The following ANKAR variants were observed in gnomAD, a reference collection of about 807,000 sequenced individuals.
ANKAR encodes the protein ankyrin and armadillo repeat containing, also known as ankyrin and armadillo repeat-containing protein.
ANKAR carries 136 observed loss-of-function variants against 146.2 expected under a neutral mutation model. The ratio of observed to expected loss-of-function variants is 0.93; its 90% confidence interval spans 0.81 to 1.07. The LOEUF is 1.07. Ranked by LOEUF, ANKAR falls within the 50% of genes least tolerant of loss-of-function variation. The pLI is 0.00. For missense variants in ANKAR, 1,567 were observed against 1,679.9 expected, an observed-to-expected ratio of 0.93 and a Z score of 1.18; for synonymous variants, 500 against 575.8, an observed-to-expected ratio of 0.87 and a Z score of 1.88.
chr2:189,688,695 T>C (rs2035964199), intron 2 of ANKAR, among the ~76,000 whole-genome samples: 2 of 152,224 alleles, frequency 1.3e-5, no homozygotes, highest in Admixed American at 1.3e-4. Context: ...CGAACATTCA[T>C]GAAGTGGGTT....
chr2:189,735,992 A>G (rs1379237953), intron 17 of ANKAR, among the ~76,000 whole-genome samples: 1 of 152,248 alleles, frequency 6.6e-6, no homozygotes, highest in Non-Finnish European at 1.5e-5. Context: ...CCACCCTGGT[A>G]GATAGGTAAA....
At chr2:189,735,551 G>T (rs1217036686) in intron 17 of ANKAR, among the ~76,000 whole-genome samples, 1 of 152,200 alleles carries the variant, frequency 6.6e-6, no homozygotes, top group Non-Finnish European at 1.5e-5. Flanking sequence ...GAAGTTAGAG[G>T]GGAGGGAGGG....
intron 18 of ANKAR, 114 bp from the exon 19 acceptor site, chr2:189,738,451 C>T (rs1376487732): frequency 3.0e-6 from 2 of 658,908 alleles, no homozygotes; most frequent in Non-Finnish European, 5.2e-6. Context: ...TCTAAACACT[C>T]CCTTTAAGAA....
At chr2:189,675,679 T>G (rs1018364696) in intron 1 of ANKAR, among the ~76,000 whole-genome samples, 1 of 152,162 alleles carries the variant, frequency 6.6e-6, no homozygotes, top group Non-Finnish European at 1.5e-5. Flanking sequence ...GTCAGTATAG[T>G]CTTGCTTTAA....
At chr2:189,745,027 C>CTTACTACTACTAATAATAATAA (rs2043896071) in intron 22 of ANKAR, among the ~76,000 whole-genome samples, 1 of 131,094 alleles carries the variant, frequency 7.6e-6, no homozygotes, top group Non-Finnish European at 1.6e-5. Context: ...ACTACTACTA[C>CTTACTACTACTAATAATAATAA]TAATAATACA....
intron 22 of ANKAR, among the ~76,000 whole-genome samples, chr2:189,746,083 C>T (rs2044119787): frequency 6.6e-6 from 1 of 152,158 alleles, no homozygotes; most frequent in Admixed American, 6.5e-5. Flanking sequence ...TCAAGTCCAT[C>T]ATTTTGAGAT....
rs1251906081 is a variant in ANKAR, at chr2:189,745,015, C to CTAATAATAA, written c.4057+229_4057+230insATAATAATA. Among the ~76,000 whole-genome samples, 367 of 71,822 alleles carry CTAATAATAA rather than the reference C, an allele frequency of 5.1e-3. 1 individual carries two copies. Among genetic ancestry groups the CTAATAATAA allele is most frequent in the South Asian group, 8.7e-3 (12 of 1,376 alleles). The allele number at this position is 71,822 out of a possible 152,430, so 47.1% of individuals were successfully genotyped here. A position where few individuals can be genotyped will look rare whatever the true frequency, so the allele number is the denominator to read the frequency against. On this transcript the variant is annotated intron_variant, in intron 22 of 22. Transcript: ENST00000684021. ...TCTACTACTACTACTACTACTACTA[C>CTAATAATAA]TACTACTACTACTAATAATACAAAA...
At chr2:189,753,505 T>C (rs934318828) in intron 18 of ANKAR, among the ~76,000 whole-genome samples, 1 of 152,128 alleles carries the variant, frequency 6.6e-6, no homozygotes. Context: ...TTATCAACAT[T>C]AGTGTCACGA....
downstream of ANKAR, chr2:189,762,671 G>A (rs551771803): frequency 2.3e-4 from 228 of 985,280 alleles, no homozygotes; most frequent in Non-Finnish European, 2.6e-4. Flanking sequence ...TGAAGAGTGA[G>A]CAATTTCACC....
At chr2:189,754,263 T>C (rs1201666974) in intron 18 of ANKAR, 1 of 1,613,766 alleles carries the variant, frequency 6.2e-7, no homozygotes, top group Non-Finnish European at 8.5e-7. Flanking sequence ...TCTATTTCCT[T>C]GTTTGGCCAA....
At chr2:189,742,917 C>G in intron 20 of ANKAR, among the ~76,000 whole-genome samples, 1 of 35,134 alleles carries the variant, frequency 2.8e-5, no homozygotes, top group African/African-American at 7.5e-5. Context: ...CACACACACA[C>G]ACACACACAC....
At chr2:189,684,705 C>T (rs988444681) in intron 2 of ANKAR, among the ~76,000 whole-genome samples, 1 of 151,718 alleles carries the variant, frequency 6.6e-6, no homozygotes, top group East Asian at 2.0e-4. Flanking sequence ...GTGGTGCACG[C>T]CTGTAGTCCC....
chr2:189,712,383 G>A (rs933722244), intron 10 of ANKAR, among the ~76,000 whole-genome samples: 6 of 152,190 alleles, frequency 3.9e-5, no homozygotes, highest in African/African-American at 1.4e-4. Context: ...GTGCCCCTCT[G>A]GGACGAAGCT....
At chr2:189,762,842 A>G, downstream of ANKAR, 2 of 985,458 alleles carry the variant, frequency 2.0e-6, no homozygotes, top group Non-Finnish European at 2.4e-6. Flanking sequence ...CTGTTCCGCT[A>G]GCGAGCGGCA....
Position 189,676,737 on chromosome 2 carries a change from G to A in ANKAR, c.247G>A (p.Ala83Thr). The change falls in exon 2 of 23, where the codon GCA becomes ACA. Residue 83 changes from alanine to threonine, a missense_variant. Transcript: ENST00000684021. ...SQMNNVGFST[A>T]ILLTPVDPTA... ...AATGAATAACGTAGGCTTCTCCACT[G>A]CAATCCTACTGACTCCCGTGGACCC... 6.2e-7 allele frequency: 1 copy of A among 1,614,174 alleles called. No homozygotes were observed. The highest frequency in any genetic ancestry group is 8.5e-7 in the Non-Finnish European group (1 of 1,180,038).
chr2:189,742,568 A>G (rs2043440013), intron 20 of ANKAR, among the ~76,000 whole-genome samples: 1 of 152,070 alleles, frequency 6.6e-6, no homozygotes, highest in Non-Finnish European at 1.5e-5. Context: ...TTTTAAAGTA[A>G]TAAATAAATA....
At chr2:189,687,998 C>T (rs1440786113) in intron 2 of ANKAR, among the ~76,000 whole-genome samples, 4 of 152,090 alleles carry the variant, frequency 2.6e-5, no homozygotes, top group African/African-American at 9.7e-5. Context: ...GCTTGGGTTG[C>T]AAAATGTGCT....
intron 10 of ANKAR, among the ~76,000 whole-genome samples, chr2:189,713,803 A>T (rs1335991330): frequency 6.6e-6 from 1 of 152,240 alleles, no homozygotes; most frequent in African/African-American, 2.4e-5. Context: ...CCCCAATTAA[A>T]AGACACGGAC....
chr2:189,736,154 T>A (rs893474962), intron 17 of ANKAR, among the ~76,000 whole-genome samples: 4 of 152,200 alleles, frequency 2.6e-5, no homozygotes, highest in African/African-American at 9.6e-5. Flanking sequence ...CTACCTGGCA[T>A]GGTGGGAGCA....
Sources: gnomAD v4.1 joint callset for allele counts (sites outside exome capture counted in the v4.1 genomes callset) on GRCh38, gnomAD v4.1.1 for gene constraint, MANE v1.5 for transcripts, NCBI Gene and HGNC (gene_info 2026-07-23, HGNC 2026-07-21) for gene names.